PLXNA3: variants seen among roughly 807,000 people sequenced by gnomAD.
The protein encoded by PLXNA3 is plexin A3.
A neutral mutation model predicts 118.8 loss-of-function variants in PLXNA3; 52 were observed. The ratio of observed to expected loss-of-function variants is 0.44; its 90% CI spans 0.35 to 0.55. PLXNA3 has a LOEUF of 0.55. PLXNA3 is among the 20% of genes least tolerant of loss of function. PLXNA3 has a pLI of 0.01. For missense variants in PLXNA3, 1,660 were observed against 1,730.8 expected (o/e 0.96, Z 0.73); for synonymous variants, 925 against 762.4 (o/e 1.21, Z -3.51).
Position 154,461,509 on chromosome X carries a change from C to A in PLXNA3, c.1005C>A (p.Thr335=). The stretch of plus-strand genomic sequence containing the variant: ...ACCGGGCCAGCCCACCCCGGCAGAC[C>A]ATCCTCTGCCTCTTCACCCTCAGCA... The part of the protein sequence containing the change: ...QKNRASPPRQ[T]ILCLFTLSNI... The change falls in exon 3 of 33, where the codon ACC becomes ACA. Residue 335 remains threonine (T), a synonymous_variant. Transcript: ENST00000369682. 1 of 1,211,408 alleles carries A rather than the reference C, an allele frequency of 8.3e-7. No homozygotes were observed. Among genetic ancestry groups the A allele is most frequent in the Non-Finnish European group, 1.1e-6 (1 of 895,028 alleles).
chrX:154,477,700 ACC>A lies in PLXNA3; in HGVS notation c.*5024_*5025del, dbSNP rs57974550. Reference sequence around the variant, plus strand: ...ACTCCTTGAATATCTGAATTCTAGAACCCCCCCCCCAGCAACCCAAGCACAAC... The same window carrying A: ...ACTCCTTGAATATCTGAATTCTAGAACCCCCCCCAGCAACCCAAGCACAAC... On this transcript the variant is annotated 3_prime_UTR_variant, in exon 33 of 33. Coordinates refer to ENST00000369682, the MANE Select transcript of PLXNA3 (RefSeq NM_017514.5). The A allele has an allele frequency of 5.3e-3, 1,292 of 241,513 alleles. No homozygotes were observed. Among genetic ancestry groups the A allele is most frequent in the East Asian group, 8.5e-3 (129 of 15,163 alleles). The allele number at this position is 241,513 out of a possible 1,213,427, so 19.9% of individuals were successfully genotyped here.
Position 154,464,412 on chromosome X carries a change from C to T in PLXNA3, c.1839C>T (p.Arg613=). ...RALTRGHGAT[R]TVRLQLLSKE... ...CCGGGACTGCTGCAGGGGCCACCCG[C>T]ACTGTGCGGCTGCAGCTTCTCTCCA... The change falls in exon 9 of 33, where the codon CGC becomes CGT. Residue 613 remains arginine, a synonymous_variant. Coordinates refer to ENST00000369682, the MANE Select transcript of PLXNA3 (RefSeq NM_017514.5). 1 of 1,210,634 alleles carries T rather than the reference C, an allele frequency of 8.3e-7. No homozygotes were observed. The highest frequency in any genetic ancestry group is 1.1e-6 in the Non-Finnish European group (1 of 894,896).
In PLXNA3 at chrX:154,470,917, G is replaced by C. The variant is rs112105132; in HGVS notation, c.5157-188G>C. Reference sequence around the variant, plus strand: ...CGGTGACAGGAGAAGCTGCGGAGGGGGTTGAGCCCTATTGAGAACAGAAGT... The same window carrying C: ...CGGTGACAGGAGAAGCTGCGGAGGGCGTTGAGCCCTATTGAGAACAGAAGT... On this transcript the variant is annotated intron_variant, in intron 30 of 32. Coordinates refer to ENST00000369682, the MANE Select transcript of PLXNA3 (RefSeq NM_017514.5). 6.5e-5 allele frequency: 29 copies of C among 449,114 alleles called. 2 individuals are homozygous for C. Among genetic ancestry groups the C allele is most frequent in the African/African-American group, 4.2e-4 (17 of 40,611 alleles). The allele number at this position is 449,114 out of a possible 1,213,427, so 37.0% of individuals were successfully genotyped here.
In PLXNA3 at chrX:154,463,568, G is replaced by A. The variant is rs200928389; in HGVS notation, c.1447-22G>A. On this transcript the variant is annotated intron_variant, in intron 5 of 32. Transcript: ENST00000369682. ...GGGTGGTGGGGCGGGGGTGGGCTGG[G>A]TGCTGATGTGGCTGTCCCCAGGTGA... The A allele has an allele frequency of 3.3e-5, 39 of 1,176,281 alleles. No individual in the cohort carries two copies. In the African/African-American group the frequency reaches 5.2e-4, roughly 16 times the overall value.
rs192776944 is a variant in PLXNA3, at chrX:154,469,766, C to G, written c.4777C>G (p.Arg1593Gly). The G allele has an allele frequency of 8.3e-7, 1 of 1,209,050 alleles. No homozygotes were observed. Among genetic ancestry groups the G allele is most frequent in the South Asian group, 1.8e-5 (1 of 56,986 alleles). Residue 1593 changes from arginine (R) to glycine (G), a missense_variant, in exon 28 of 33, where the codon CGC becomes GGC. Arg to Gly is a moderately radical substitution (Grantham distance 125, BLOSUM62 -2). This residue lies in a region of PLXNA3 where 869 missense variants were observed against 1,078.7 expected (regional missense o/e 0.81). Coordinates refer to ENST00000369682, the MANE Select transcript of PLXNA3 (RefSeq NM_017514.5). ...YNMANSFTFT[R>G]SLSRYESLLR... is the part of the protein sequence containing the mutation. ...CATGGCCAACTCCTTCACCTTCACCCGCTCCCTCAGCCGCTACGGTAGGTG... is the reference window on the plus strand; with the variant it reads ...CATGGCCAACTCCTTCACCTTCACCGGCTCCCTCAGCCGCTACGGTAGGTG...
In PLXNA3 at chrX:154,469,151, G is replaced by T. The variant is rs2069143211; in HGVS notation, c.4530G>T (p.Leu1510=). The change falls in exon 26 of 33, where the codon CTG becomes CTT. Residue 1510 remains leucine (L), a synonymous_variant. Coordinates refer to ENST00000369682, the MANE Select transcript of PLXNA3 (RefSeq NM_017514.5). ...CDSITQAKDK[L]LDTVYKGIPY... Reference sequence around the variant, plus strand: ...GCATCACCCAGGCCAAAGATAAGCTGCTGGACACTGTGTACAAGGGCATTC... The same window carrying T: ...GCATCACCCAGGCCAAAGATAAGCTTCTGGACACTGTGTACAAGGGCATTC... The T allele has an allele frequency of 8.3e-7, 1 of 1,210,108 alleles. No individual in the cohort carries two copies. The highest frequency in any genetic ancestry group is 1.8e-5 in the South Asian group (1 of 56,898).
In PLXNA3 at chrX:154,475,421, G is replaced by GA. The variant is rs782346817; in HGVS notation, c.*2736_*2737insA. The stretch of plus-strand genomic sequence containing the variant: ...TGGCCTTTCTTCTTTTTTTGTTTTT[G>GA]TTTTTTTTTGAGATGCAATTTTAAA... On this transcript the variant is annotated 3_prime_UTR_variant, in exon 33 of 33. Coordinates refer to ENST00000369682, the MANE Select transcript of PLXNA3 (RefSeq NM_017514.5). 2 of 109,262 alleles carry GA rather than the reference G, an allele frequency of 1.8e-5. No individual in the cohort carries two copies. Among genetic ancestry groups the GA allele is most frequent in the Non-Finnish European group, 3.8e-5 (2 of 52,161 alleles). The allele number at this position is 109,262 out of a possible 1,213,427, so 9.0% of individuals were successfully genotyped here.
At chrX:154,461,783 C>G in intron 3 of PLXNA3, 145 bp downstream of exon 3, 1 of 565,921 alleles carries the variant, frequency 1.8e-6, no homozygotes, top group South Asian at 3.0e-5. Context: ...TTTCTCCCTC[C>G]CAGGGGTCCC....
chrX:154,465,090 G>T lies in PLXNA3; in HGVS notation c.2116G>T (p.Ala706Ser). The T allele has an allele frequency of 8.3e-7, 1 of 1,210,312 alleles. No homozygotes were observed. Among genetic ancestry groups the T allele is most frequent in the Non-Finnish European group, 1.1e-6 (1 of 894,895 alleles). Residue 706 changes from alanine (A) to serine (S), a missense_variant, in exon 11 of 33, where the codon GCT (alanine) becomes TCT (serine). Ala to Ser is a moderately conservative substitution (Grantham distance 99). Coordinates refer to ENST00000369682, the MANE Select transcript of PLXNA3 (RefSeq NM_017514.5). The stretch of plus-strand genomic sequence containing the variant: ...GGTCATGCAGCCTCTTACCTTGCGG[G>T]CTAAGAACCTACCTCAGCCGCAGTC... ...VGVMQPLTLR[A>S]KNLPQPQSGQ... is the part of the protein sequence containing the mutation.
rs57974550 is a variant in PLXNA3 at position 154,477,700 on chromosome X, A to AC, written c.*5025dup. The stretch of plus-strand genomic sequence containing the variant: ...ACTCCTTGAATATCTGAATTCTAGA[A>AC]CCCCCCCCCCAGCAACCCAAGCACA... On this transcript the variant is annotated 3_prime_UTR_variant, in exon 33 of 33. Coordinates refer to ENST00000369682, the MANE Select transcript of PLXNA3 (RefSeq NM_017514.5). 6,125 of 249,085 alleles carry AC rather than the reference A, an allele frequency of 0.025. 311 individuals are homozygous for AC. The highest frequency in any genetic ancestry group is 0.13 in the African/African-American group (3,950 of 29,628). The allele number at this position is 249,085 out of a possible 1,213,427, so 20.5% of individuals were successfully genotyped here.
intron 17 of PLXNA3, 46 bp downstream of exon 17, chrX:154,466,839 C>T (rs2069094626): frequency 6.4e-6 from 7 of 1,085,589 alleles, no homozygotes; most frequent in Non-Finnish European, 6.1e-6. Flanking sequence ...CCAGAGGGCT[C>T]AGGGACTGGG....
rs1557210593 is a variant in PLXNA3 at position 154,474,835 on chromosome X, GCTGGAGTGCAGTGGCAAAATCAACTCA to G, written c.*2154_*2180del. 1 of 81,008 alleles carries G rather than the reference GCTGGAGTGCAGTGGCAAAATCAACTCA, an allele frequency of 1.2e-5. No homozygotes were observed. The highest frequency in any genetic ancestry group is 2.2e-5 in the Non-Finnish European group (1 of 45,498). The allele number at this position is 81,008 out of a possible 1,213,427, so 6.7% of individuals were successfully genotyped here. On this transcript the variant is annotated 3_prime_UTR_variant, in exon 33 of 33. Coordinates refer to ENST00000369682, the MANE Select transcript of PLXNA3 (RefSeq NM_017514.5). ...GACGGGATCTTGCCCTGTTGCCCAC[GCTGGAGTGCAGTGGCAAAATCAACTCA>G]CTGCAGCCTTGATGTCCTGGGCTCA...
At chrX:154,466,947 G>A (rs1351175532) in intron 17 of PLXNA3, 110 bp from the exon 18 acceptor site, 23 of 868,714 alleles carry the variant, frequency 2.6e-5, no homozygotes, top group Non-Finnish European at 2.5e-5. Flanking sequence ...GCACCCACTA[G>A]GCGATCCAGG....
chrX:154,465,096 A>T lies in PLXNA3; in HGVS notation c.2122A>T (p.Asn708Tyr), dbSNP rs1557206498. 8.3e-7 allele frequency: 1 copy of T among 1,209,662 alleles called. No individual in the cohort carries two copies. The change falls in exon 11 of 33, where the codon AAC becomes TAC. Residue 708 changes from asparagine to tyrosine, a missense_variant. By Grantham distance (143) the Asn-to-Tyr change is moderately radical. Around this residue, in one of 2 missense-constraint regions of PLXNA3, gnomAD observed 791 missense variants for 652.1 expected, o/e 1.21. Transcript: ENST00000369682. ...GCAGCCTCTTACCTTGCGGGCTAAG[A>T]ACCTACCTCAGCCGCAGTCGGGCCA... Reference protein sequence around the residue: ...VMQPLTLRAKNLPQPQSGQKN... With the variant: ...VMQPLTLRAKYLPQPQSGQKN...
At position 154,468,943 on chromosome X, in the gene PLXNA3, C is replaced by T; in HGVS notation, c.4408C>T (p.Arg1470Cys). 1.7e-6 allele frequency: 2 copies of T among 1,211,907 alleles called. No individual in the cohort carries two copies. The highest frequency in any genetic ancestry group is 2.2e-6 in the Non-Finnish European group (2 of 895,605). The change falls in exon 25 of 33, where the codon CGT (arginine) becomes TGT (cysteine). Residue 1470 changes from arginine to cysteine, a missense_variant. Physicochemically the swap from Arg to Cys is radical, Grantham distance 180. Around this residue, in one of 2 missense-constraint regions of PLXNA3, gnomAD observed 869 missense variants for 1,078.7 expected, o/e 0.81. Coordinates refer to ENST00000369682, the MANE Select transcript of PLXNA3 (RefSeq NM_017514.5). Reference sequence around the variant, plus strand: ...CTCCCTGAGCGAGGACAAGCTCATCCGTCAGCAGATCGACTACAAGACACT... The same window carrying T: ...CTCCCTGAGCGAGGACAAGCTCATCTGTCAGCAGATCGACTACAAGACACT... ...RYSLSEDKLI[R>C]QQIDYKTLTL...
Position 154,466,226 on chromosome X carries a change from T to G in PLXNA3, c.2755T>G (p.Ser919Ala). The change falls in exon 15 of 33, where the codon TCA (serine) becomes GCA (alanine). Residue 919 changes from serine (S) to alanine (A), a missense_variant. Ser to Ala is a moderately conservative substitution (Grantham distance 99). Around this residue, in one of 2 missense-constraint regions of PLXNA3, gnomAD observed 869 missense variants for 1,078.7 expected, o/e 0.81. Coordinates refer to ENST00000369682, the MANE Select transcript of PLXNA3 (RefSeq NM_017514.5). The stretch of plus-strand genomic sequence containing the variant: ...CGTGGAGCTGTGTGTGGGTGACTGT[T>G]CAGCCGACTTCCGCACGCAGTCGGA... Reference protein sequence around the residue: ...GPVELCVGDCSADFRTQSEQV... With the variant: ...GPVELCVGDCAADFRTQSEQV... 8.3e-7 allele frequency: 1 copy of G among 1,208,696 alleles called. No individual in the cohort carries two copies. Among genetic ancestry groups the G allele is most frequent in the South Asian group, 1.8e-5 (1 of 56,961 alleles).
intron 3 of PLXNA3, among the ~76,000 whole-genome samples, chrX:154,461,874 C>T (rs1394836048): frequency 8.9e-6 from 1 of 112,207 alleles, no homozygotes; most frequent in South Asian, 3.7e-4. Context: ...CTCCTTGCTC[C>T]GTCTCCCGGT....
Position 154,467,809 on chromosome X carries a change from A to G in PLXNA3, c.3628A>G (p.Ile1210Val), listed in dbSNP as rs782698800. 8.3e-7 allele frequency: 1 copy of G among 1,203,461 alleles called. No individual in the cohort carries two copies. The change falls in exon 21 of 33, where the codon ATC becomes GTC. Residue 1210 changes from isoleucine to valine, a missense_variant. Transcript: ENST00000369682. ...GLEFWLGTLH[I>V]SAERALTLPA... ...GGAGTTCTGGCTGGGCACCCTGCAC[A>G]TCTCGGCAGAGCGGGCGCTGACCCT...
chrX:154,463,257 G>T (rs1022185366), intron 4 of PLXNA3, 134 bp from the exon 5 acceptor site: 3 of 901,467 alleles, frequency 3.3e-6, no homozygotes, highest in Non-Finnish European at 4.8e-6. Context: ...TGGCCTCCGG[G>T]CTGTGGGTGT....
Sources: gnomAD v4.1 joint callset for allele counts (sites outside exome capture counted in the v4.1 genomes callset) on GRCh38, gnomAD v4.1.1 for gene constraint, gnomAD v4.1.1 regional missense constraint, MANE v1.5 for transcripts, NCBI Gene and HGNC (gene_info 2026-07-23, HGNC 2026-07-21) for gene names.